The following NAALADL2 variants were observed in gnomAD, a reference collection of about 807,000 sequenced individuals.
NAALADL2 encodes inactive N-acetylated-alpha-linked acidic dipeptidase-like protein 2.
A neutral mutation model predicts 87.2 loss-of-function variants in NAALADL2; 76 were observed. The ratio of observed to expected loss-of-function variants is 0.87; its 90% confidence interval spans 0.72 to 1.05. The LOEUF is 1.05. NAALADL2 is among the 50% of genes least tolerant of loss of function. The pLI is 0.00. For missense variants in NAALADL2, 1,089 were observed against 945.8 expected, an observed-to-expected ratio of 1.15 and a Z score of -1.99; for synonymous variants, 354 against 331.0, an observed-to-expected ratio of 1.07 and a Z score of -0.75.
At chr3:174,968,169 T>C (rs1379085326) in intron 1 of NAALADL2, among the ~76,000 whole-genome samples, 2 of 152,336 alleles carry the variant, frequency 1.3e-5, no homozygotes, top group South Asian at 2.1e-4. Context: ...TTTGGGTATG[T>C]TATTCAAAGA....
At chr3:174,887,052 C>G (rs1730247207) in intron 1 of NAALADL2, among the ~76,000 whole-genome samples, 1 of 152,172 alleles carries the variant, frequency 6.6e-6, no homozygotes, top group African/African-American at 2.4e-5. Context: ...TACCAAAACT[C>G]TGATGCTGTA....
At chr3:175,241,506 C>A (rs1746872677) in intron 3 of NAALADL2, among the ~76,000 whole-genome samples, 1 of 152,140 alleles carries the variant, frequency 6.6e-6, no homozygotes, top group Non-Finnish European at 1.5e-5. Context: ...CAGGTGTGAG[C>A]CACTGTACTC....
At chr3:175,080,809 T>G (rs1717654430) in intron 1 of NAALADL2, among the ~76,000 whole-genome samples, 2 of 152,238 alleles carry the variant, frequency 1.3e-5, no homozygotes, top group South Asian at 4.1e-4. Flanking sequence ...TGCTAACTCC[T>G]GTCATTAGAA....
intron 3 of NAALADL2, among the ~76,000 whole-genome samples, chr3:174,813,997 A>C (rs1220565289): frequency 6.6e-6 from 1 of 152,224 alleles, no homozygotes; most frequent in Admixed American, 6.5e-5. Context: ...ATACTGCATT[A>C]TAATGATACG....
chr3:174,576,109 C>T (rs1715501177), intron 2 of NAALADL2, among the ~76,000 whole-genome samples: 1 of 152,088 alleles, frequency 6.6e-6, no homozygotes, highest in Non-Finnish European at 1.5e-5. Context: ...GTGATCCACT[C>T]ACCTCGGCTT....
At position 175,243,095 on chromosome 3, in the gene NAALADL2, G is replaced by T. The variant is rs75874131; in HGVS notation, c.819+8891G>T. ...AACACACACACACACACACACACAC[G>T]CACACACACACACTATACTCAATTT... On this transcript the variant is annotated intron_variant, in intron 3 of 13. Coordinates refer to ENST00000454872, the MANE Select transcript of NAALADL2 (RefSeq NM_207015.3). Among the ~76,000 whole-genome samples the T allele has an allele frequency of 2.0e-4, 19 of 94,532 alleles. No individual in the cohort carries two copies. The East Asian group carries it at 2.6e-3, about 13-fold the overall frequency. The allele number at this position is 94,532 out of a possible 152,430, so 62.0% of individuals were successfully genotyped here.
Position 174,888,028 on chromosome 3 carries a change from A to G in NAALADL2, c.43+28578A>G, listed in dbSNP as rs77518442. On this transcript the variant is annotated intron_variant, in intron 1 of 13. Transcript: ENST00000454872. ...ATAAGGAAAGCTGATCGCTTTGGAT[A>G]CGATTGCCAGGGTGGATGTCTTACA... Among the ~76,000 whole-genome samples, 455 of 152,286 alleles carry G rather than the reference A, an allele frequency of 3.0e-3. 2 individuals are homozygous for G. The highest frequency in any genetic ancestry group is 0.011 in the African/African-American group (441 of 41,588).
intron 1 of NAALADL2, among the ~76,000 whole-genome samples, chr3:174,457,984 A>G (rs1036893971): frequency 6.6e-6 from 1 of 152,122 alleles, no homozygotes; most frequent in Non-Finnish European, 1.5e-5. Context: ...ACGTGGGCCT[A>G]TTGGAGGGTA....
At chr3:175,391,181 C>T (rs780605093) in intron 5 of NAALADL2, among the ~76,000 whole-genome samples, 1 of 152,138 alleles carries the variant, frequency 6.6e-6, no homozygotes. Flanking sequence ...TGTCGAGATT[C>T]CCTCATTGAG....
At chr3:175,065,737 T>G (rs1198717356) in intron 1 of NAALADL2, among the ~76,000 whole-genome samples, 1 of 152,152 alleles carries the variant, frequency 6.6e-6, no homozygotes, top group Non-Finnish European at 1.5e-5. Context: ...GAGTCAGAAG[T>G]CACTATGAGC....
intron 11 of NAALADL2, among the ~76,000 whole-genome samples, chr3:175,633,400 A>G (rs1176984550): frequency 6.6e-6 from 1 of 152,074 alleles, no homozygotes; most frequent in Non-Finnish European, 1.5e-5. Flanking sequence ...TACTCAATTA[A>G]TGATCATTGG....
At position 175,543,125 on chromosome 3, in the gene NAALADL2, A is replaced by G. The variant is rs541908405; in HGVS notation, c.1654-32916A>G. On this transcript the variant is annotated intron_variant, in intron 9 of 13. Coordinates refer to ENST00000454872, the MANE Select transcript of NAALADL2 (RefSeq NM_207015.3). ...AGAGAAGCAACTCACTGTTTCACAT[A>G]AATTCTTATCCACCTAATACCCTGT... Among the ~76,000 whole-genome samples, 24 of 152,280 alleles carry G rather than the reference A, an allele frequency of 1.6e-4. No individual in the cohort carries two copies. In the South Asian group the frequency reaches 3.1e-3, roughly 20 times the overall value.
In NAALADL2 at chr3:175,426,923, C is replaced by T. The variant is rs950806047; in HGVS notation, c.1091-20306C>T. On this transcript the variant is annotated intron_variant, in intron 5 of 13. Coordinates refer to ENST00000454872, the MANE Select transcript of NAALADL2 (RefSeq NM_207015.3). ...ATTCCATTCTTCACTTTGTGATGACCGGAAACAGAATGTGCTGACTAAGCA... is the reference window on the plus strand; with the variant it reads ...ATTCCATTCTTCACTTTGTGATGACTGGAAACAGAATGTGCTGACTAAGCA... Among the ~76,000 whole-genome samples the T allele has an allele frequency of 4.9e-4, 74 of 152,142 alleles. 4 individuals are homozygous for T. Among genetic ancestry groups the T allele is most frequent in the Admixed American group, 1.5e-3 (23 of 15,266 alleles).
intron 1 of NAALADL2, among the ~76,000 whole-genome samples, chr3:174,463,315 A>G (rs562625545): frequency 7.2e-4 from 109 of 152,336 alleles, no homozygotes; most frequent in African/African-American, 2.5e-3. Context: ...AAACAGTAAT[A>G]ATGTTGGAAC....
intron 6 of NAALADL2, chr3:175,459,985 T>C: frequency 3.2e-6 from 1 of 315,936 alleles, no homozygotes; most frequent in South Asian, 2.6e-5. Flanking sequence ...TTTATCACAA[T>C]TCTCTAAGTC....
intron 11 of NAALADL2, among the ~76,000 whole-genome samples, chr3:175,638,358 T>C (rs1474909195): frequency 2.6e-5 from 4 of 152,216 alleles, no homozygotes; most frequent in Non-Finnish European, 5.9e-5. Context: ...TCTTCAAAGA[T>C]AGAAGACTCA....
intron 13 of NAALADL2, among the ~76,000 whole-genome samples, chr3:175,794,059 C>A (rs757606709): frequency 1.3e-5 from 2 of 152,018 alleles, no homozygotes; most frequent in South Asian, 4.1e-4. Flanking sequence ...GTGACCTGAC[C>A]ATTACTGTTT....
chr3:174,782,322 T>C (rs1463504712), intron 3 of NAALADL2, among the ~76,000 whole-genome samples: 1 of 152,168 alleles, frequency 6.6e-6, no homozygotes, highest in Non-Finnish European at 1.5e-5. Flanking sequence ...TGTGTTTTAA[T>C]AGAGTAATTC....
chr3:175,263,148 G>C (rs540286087), intron 4 of NAALADL2, among the ~76,000 whole-genome samples: 2 of 151,948 alleles, frequency 1.3e-5, no homozygotes, highest in East Asian at 1.9e-4. Context: ...ATCTGCTGCT[G>C]TTTTCAAATC....
Sources: allele counts gnomAD v4.1 joint callset (sites outside exome capture counted in the v4.1 genomes callset), GRCh38; gene constraint gnomAD v4.1.1; transcripts MANE v1.5; gene names NCBI Gene and HGNC (gene_info 2026-07-23, HGNC 2026-07-21).